The following MAPKAP1 variants were observed in gnomAD, a reference collection of about 807,000 sequenced individuals.
The protein encoded by MAPKAP1 is target of rapamycin complex 2 subunit MAPKAP1.
In MAPKAP1, 20 loss-of-function variants were observed where a neutral mutation model predicts 65.7. The ratio of observed to expected loss-of-function variants is 0.30; its 90% CI spans 0.21 to 0.44. MAPKAP1 has a LOEUF of 0.44. MAPKAP1 is among the 20% of genes least tolerant of loss of function. The probability of loss-of-function intolerance (pLI) is 1.00; values close to 1 mark genes in which losing one functional copy is unlikely to be tolerated. For synonymous variants in MAPKAP1, 222 were observed against 244.3 expected, an observed-to-expected ratio of 0.91 and a Z score of 0.85; for missense variants, 423 against 648.0, an observed-to-expected ratio of 0.65 and a Z score of 3.77.
At chr9:125,441,922 G>C (rs1187159679) in intron 11 of MAPKAP1, among the ~76,000 whole-genome samples, 1 of 152,190 alleles carries the variant, frequency 6.6e-6, no homozygotes, top group Middle Eastern at 3.4e-3. Flanking sequence ...GAGGCCAGGA[G>C]TTCGAGACCA....
intron 4 of MAPKAP1, among the ~76,000 whole-genome samples, chr9:125,621,057 AGC>A (rs1366161855): frequency 6.6e-6 from 1 of 152,168 alleles, no homozygotes; most frequent in Non-Finnish European, 1.5e-5. Flanking sequence ...AGACTGGTTG[AGC>A]GCAGGAGTTT....
At chr9:125,505,095 C>T (rs565799212) in intron 8 of MAPKAP1, among the ~76,000 whole-genome samples, 6 of 152,280 alleles carry the variant, frequency 3.9e-5, no homozygotes, top group African/African-American at 1.4e-4. Flanking sequence ...CATCTATAAT[C>T]CCAACATTTT....
chr9:125,553,646 T>C (rs762956599), intron 6 of MAPKAP1, among the ~76,000 whole-genome samples: 1 of 152,214 alleles, frequency 6.6e-6, no homozygotes, highest in Non-Finnish European at 1.5e-5. Context: ...CATTTGTCTA[T>C]GTAGTCTACG....
chr9:125,658,026 G>C lies in MAPKAP1; in HGVS notation c.350-227C>G, dbSNP rs369683188. Among the ~76,000 whole-genome samples the C allele has an allele frequency of 2.6e-5, 4 of 152,220 alleles. No homozygotes were observed. In the South Asian group the frequency reaches 8.3e-4, roughly 32 times the overall value. On this transcript the variant is annotated intron_variant, in intron 3 of 11. Coordinates refer to ENST00000265960, the MANE Select transcript of MAPKAP1 (RefSeq NM_001006617.3). ...GGAAAGAGAAGGGGTTAAGGGAGGG[G>C]GAAGAATCAGACAAAGTAACAAAGG...
In MAPKAP1 at chr9:125,468,037, T is replaced by A; in HGVS notation, c.1280A>T (p.Gln427Leu). The A allele has an allele frequency of 6.2e-7, 1 of 1,614,228 alleles. No homozygotes were observed. Among genetic ancestry groups the A allele is most frequent in the Non-Finnish European group, 8.5e-7 (1 of 1,180,032 alleles). ...GTCGGAATCGATTGAGATGGGTTTCTGCTTAATCCAAAACTTAGTGCTGGC... is the reference window on the plus strand; with the variant it reads ...GTCGGAATCGATTGAGATGGGTTTCAGCTTAATCCAAAACTTAGTGCTGGC... The part of the protein sequence containing the change: ...QKASTKFWIK[Q>L]KPISIDSDLL... The change falls in exon 10 of 12, where the codon CAG becomes CTG. Residue 427 changes from glutamine to leucine, a missense_variant. Gln to Leu is a moderately radical substitution (Grantham distance 113). Around this residue, in one of 6 missense-constraint regions of MAPKAP1, gnomAD observed 185 missense variants for 268.1 expected, o/e 0.69. Coordinates refer to ENST00000265960, the MANE Select transcript of MAPKAP1 (RefSeq NM_001006617.3).
intron 4 of MAPKAP1, among the ~76,000 whole-genome samples, chr9:125,631,656 C>T (rs1172217338): frequency 6.6e-6 from 1 of 152,212 alleles, no homozygotes; most frequent in Non-Finnish European, 1.5e-5. Flanking sequence ...ATACAACTAG[C>T]AGGAGCAAAT....
chr9:125,636,642 G>C (rs1432193665), intron 4 of MAPKAP1, among the ~76,000 whole-genome samples: 1 of 152,192 alleles, frequency 6.6e-6, no homozygotes, highest in Non-Finnish European at 1.5e-5. Context: ...AACTAAAACA[G>C]CATGAATTAA....
chr9:125,444,996 T>G (rs549061406), intron 10 of MAPKAP1, among the ~76,000 whole-genome samples: 1 of 152,100 alleles, frequency 6.6e-6, no homozygotes, highest in Non-Finnish European at 1.5e-5. Flanking sequence ...AGGAGAAGGG[T>G]CAAAAGCCAC....
At chr9:125,660,537 C>CAGT (rs1276718056) in intron 3 of MAPKAP1, among the ~76,000 whole-genome samples, 1 of 152,230 alleles carries the variant, frequency 6.6e-6, no homozygotes, top group Non-Finnish European at 1.5e-5. Flanking sequence ...AAATTATAGA[C>CAGT]ATCCAACTTT....
At chr9:125,544,630 T>G (rs1381439226) in intron 6 of MAPKAP1, among the ~76,000 whole-genome samples, 1 of 152,178 alleles carries the variant, frequency 6.6e-6, no homozygotes, top group African/African-American at 2.4e-5. Flanking sequence ...CAATTCCAAG[T>G]AGCTCATGTA....
chr9:125,664,029 G>A (rs932792437), intron 3 of MAPKAP1, among the ~76,000 whole-genome samples: 11 of 152,104 alleles, frequency 7.2e-5, no homozygotes, highest in South Asian at 2.1e-4. Context: ...AGGGAGCAGC[G>A]GGATACAAAA....
At chr9:125,542,505 A>G (rs891726189) in intron 7 of MAPKAP1, among the ~76,000 whole-genome samples, 1 of 152,218 alleles carries the variant, frequency 6.6e-6, no homozygotes. Context: ...TATCACAGCT[A>G]ATACTATAAG....
intron 3 of MAPKAP1, among the ~76,000 whole-genome samples, chr9:125,661,920 AATTAT>A (rs1834196534): frequency 6.6e-6 from 1 of 152,174 alleles, no homozygotes; most frequent in African/African-American, 2.4e-5. Context: ...TCAACAAATA[AATTAT>A]AAGAAAAAAG....
In MAPKAP1 at chr9:125,438,776, C is replaced by T; in HGVS notation, c.*111G>A. 1 of 1,459,952 alleles carries T rather than the reference C, an allele frequency of 6.8e-7. No homozygotes were observed. Among genetic ancestry groups the T allele is most frequent in the Non-Finnish European group, 9.4e-7 (1 of 1,068,882 alleles). 90.4% of individuals were successfully genotyped at this position (1,459,952 alleles called of 1,614,324 possible). A position where few individuals can be genotyped will look rare whatever the true frequency, so the allele number is the denominator to read the frequency against. On this transcript the variant is annotated 3_prime_UTR_variant, in exon 12 of 12. Coordinates refer to ENST00000265960, the MANE Select transcript of MAPKAP1 (RefSeq NM_001006617.3). The stretch of plus-strand genomic sequence containing the variant: ...AGCCCACCTGCCCTGTGCCAGTGAG[C>T]CAGGGGCTGGCCTCCCCCCGAGGAC...
At chr9:125,443,893 G>A (rs1852597405) in intron 11 of MAPKAP1, among the ~76,000 whole-genome samples, 1 of 152,026 alleles carries the variant, frequency 6.6e-6, no homozygotes, top group African/African-American at 2.4e-5. Context: ...CCACACCTTT[G>A]AGACTAACGA....
At chr9:125,696,418 AAAACAAAAAAAAAACAAAAAACAAAC>A (rs1297138894) in intron 1 of MAPKAP1, 10 of 149,854 alleles carry the variant, frequency 6.7e-5, no homozygotes, top group Middle Eastern at 6.8e-3. Flanking sequence ...TCTCGAAAAA[AAAACAAAAAAAAAACAAAAAACAAAC>A]AAACAAAAAA....
intron 6 of MAPKAP1, among the ~76,000 whole-genome samples, chr9:125,549,822 C>T (rs985369617): frequency 3.3e-5 from 5 of 152,130 alleles, no homozygotes; most frequent in African/African-American, 9.7e-5. Context: ...GGCTTCATTT[C>T]GACCCTCCCC....
intron 10 of MAPKAP1, among the ~76,000 whole-genome samples, chr9:125,464,220 A>T (rs917392986): frequency 6.6e-6 from 1 of 150,376 alleles, no homozygotes; most frequent in Non-Finnish European, 1.5e-5. Flanking sequence ...AAAAAAAAAA[A>T]AAAAAAAAAA....
intron 1 of MAPKAP1, among the ~76,000 whole-genome samples, chr9:125,695,840 T>C (rs1314628873): frequency 3.9e-5 from 6 of 152,212 alleles, no homozygotes; most frequent in African/African-American, 1.4e-4. Flanking sequence ...TTGCTTCTCC[T>C]GCCTCAGCCA....
Sources: gnomAD v4.1 joint callset for allele counts (sites outside exome capture counted in the v4.1 genomes callset) on GRCh38, gnomAD v4.1.1 for gene constraint, gnomAD v4.1.1 regional missense constraint, MANE v1.5 for transcripts, NCBI Gene and HGNC (gene_info 2026-07-23, HGNC 2026-07-21) for gene names.